ABCA4: variants seen among roughly 807,000 people sequenced by gnomAD.
ABCA4 encodes retinal-specific phospholipid-transporting ATPase ABCA4.
A neutral mutation model predicts 263.7 loss-of-function variants in ABCA4; 196 were observed. That is an observed-to-expected ratio of 0.74 (90% CI 0.66 to 0.84). The LOEUF (loss-of-function observed/expected upper bound fraction) is 0.84, where lower values mean the gene tolerates loss of function less well. Among genes scored for constraint, ABCA4 ranks in the 40% least tolerant of loss-of-function variants. ABCA4 has a pLI of 0.00. For synonymous variants in ABCA4, 1,133 were observed against 1,094.2 expected (o/e 1.04, Z -0.70); for missense variants, 2,792 against 2,855.1 (o/e 0.98, Z 0.50).
intron 18 of ABCA4, among the ~76,000 whole-genome samples, chr1:94,047,629 T>G (rs1250604398): frequency 6.6e-6 from 1 of 152,202 alleles, no homozygotes; most frequent in Admixed American, 6.5e-5. Context: ...TGCCTTCAGA[T>G]TCTCCCATGA....
intron 24 of ABCA4, among the ~76,000 whole-genome samples, chr1:94,039,677 A>G (rs1466181527): frequency 6.6e-6 from 1 of 152,170 alleles, no homozygotes; most frequent in African/African-American, 2.4e-5. Flanking sequence ...GCCGTGCATC[A>G]CCATGCTTCC....
At chr1:94,076,130 C>T (rs1197901720) in intron 11 of ABCA4, among the ~76,000 whole-genome samples, 1 of 152,210 alleles carries the variant, frequency 6.6e-6, no homozygotes, top group Non-Finnish European at 1.5e-5. Flanking sequence ...ACATCTTCCT[C>T]CACTTCACAG....
intron 30 of ABCA4, among the ~76,000 whole-genome samples, chr1:94,026,902 G>A (rs2101029919): frequency 6.6e-6 from 1 of 152,194 alleles, no homozygotes. Context: ...GAGCAGATGT[G>A]AATAAGAGTG....
intron 11 of ABCA4, among the ~76,000 whole-genome samples, chr1:94,068,656 T>G (rs1661334064): frequency 6.6e-6 from 1 of 152,002 alleles, no homozygotes; most frequent in Non-Finnish European, 1.5e-5. Flanking sequence ...GGCCATGGAG[T>G]CTATGTGTAA....
chr1:94,031,138 T>C lies in ABCA4; in HGVS notation c.4129-18A>G, dbSNP rs1247881367. The C allele has an allele frequency of 6.2e-7, 1 of 1,613,728 alleles. No homozygotes were observed. ...AGCACGATCTGTGGGAGAATAGACGTGGAATAAACATGACTGTGGCATGGA... is the reference window on the plus strand; with the variant it reads ...AGCACGATCTGTGGGAGAATAGACGCGGAATAAACATGACTGTGGCATGGA... On this transcript the variant is annotated intron_variant, in intron 27 of 49. Coordinates refer to ENST00000370225, the MANE Select transcript of ABCA4 (RefSeq NM_000350.3).
chr1:94,120,107 G>GA (rs1235437503), intron 1 of ABCA4, among the ~76,000 whole-genome samples: 1 of 152,142 alleles, frequency 6.6e-6, no homozygotes, highest in African/African-American at 2.4e-5. Flanking sequence ...TCCTTTCCCA[G>GA]AAAAAATTGC....
chr1:94,027,806 A>G (rs1960277), intron 30 of ABCA4, among the ~76,000 whole-genome samples: 1 of 152,190 alleles, frequency 6.6e-6, no homozygotes, highest in Non-Finnish European at 1.5e-5. Flanking sequence ...AACATAGCAC[A>G]TGTGCACACT....
At chr1:94,114,843 A>C (rs1662713723) in intron 1 of ABCA4, among the ~76,000 whole-genome samples, 1 of 152,220 alleles carries the variant, frequency 6.6e-6, no homozygotes, top group Non-Finnish European at 1.5e-5. Flanking sequence ...CCTCCAAGTA[A>C]GTGAAGCCCT....
intron 9 of ABCA4, 108 bp downstream of exon 9, chr1:94,079,214 A>G: frequency 3.9e-6 from 6 of 1,524,608 alleles, no homozygotes; most frequent in Non-Finnish European, 5.4e-6. Context: ...GCAAAAAACA[A>G]ACATGAGATG....
At chr1:93,999,134 C>T (rs1252546729) in intron 47 of ABCA4, among the ~76,000 whole-genome samples, 1 of 152,168 alleles carries the variant, frequency 6.6e-6, no homozygotes, top group Admixed American at 6.5e-5. Context: ...CAACCTCTGC[C>T]TTCTGAGTTC....
chr1:94,114,888 A>T (rs532696413), intron 1 of ABCA4, among the ~76,000 whole-genome samples: 1 of 152,370 alleles, frequency 6.6e-6, no homozygotes, highest in South Asian at 2.1e-4. Flanking sequence ...CAGGAACCTC[A>T]TCTGTCGTTG....
Position 94,042,795 on chromosome 1 carries a change from G to A in ABCA4, c.3294C>T (p.Arg1098=), listed in dbSNP as rs1660529875. ...PTSGVDPYSR[R]SIWDLLLKYR... ...ACTTCAGGAGCAGATCCCAGATTGA[G>A]CGTCTCGAGTAAGGGTCCACCCCAG... Residue 1098 remains arginine (R), a synonymous_variant, in exon 22 of 50, where the codon CGC becomes CGT. Coordinates refer to ENST00000370225, the MANE Select transcript of ABCA4 (RefSeq NM_000350.3). The A allele has an allele frequency of 3.1e-6, 5 of 1,614,104 alleles. No homozygotes were observed. Among genetic ancestry groups the A allele is most frequent in the Non-Finnish European group, 4.2e-6 (5 of 1,180,052 alleles).
chr1:94,062,293 C>T (rs979208544), intron 13 of ABCA4, among the ~76,000 whole-genome samples: 1 of 152,118 alleles, frequency 6.6e-6, no homozygotes, highest in East Asian at 1.9e-4. Flanking sequence ...GAATTTGTCC[C>T]CTCCCCCAGC....
At chr1:94,027,092 GAGAC>G in intron 30 of ABCA4, among the ~76,000 whole-genome samples, 1 of 152,326 alleles carries the variant, frequency 6.6e-6, no homozygotes, top group Non-Finnish European at 1.5e-5. Flanking sequence ...GTGAGTGAGA[GAGAC>G]AGAGCGCGCA....
chr1:94,024,876 G>A, intron 31 of ABCA4, 78 bp downstream of exon 31: 2 of 1,291,642 alleles, frequency 1.5e-6, no homozygotes, highest in Non-Finnish European at 2.2e-6. Flanking sequence ...TAAATTGAGA[G>A]AGAAAATTAT....
rs1553193877 is a variant in ABCA4 at position 94,078,584 on chromosome 1, C to CG, written c.1356+5_1356+6insC. ...CCTCCCCTCCCCATCCTCCAACCCC[C>CG]CTTACTCTGATCATGTTCATCTGTG... On this transcript the variant is annotated splice_donor_region_variant and intron_variant, in intron 10 of 49. Transcript: ENST00000370225. The CG allele has an allele frequency of 6.2e-4, 977 of 1,568,404 alleles. 17 individuals carry two copies. In the African/African-American group the frequency reaches 0.011, roughly 18 times the overall value.
rs146393869 is a variant in ABCA4 at position 94,048,724 on chromosome 1, G to T, written c.2743+144C>A. Reference sequence around the variant, plus strand: ...CACATGCAGATGGACCTCTGAGAAGGGATCTGGTTTAACACTTGTCCACAG... The same window carrying T: ...CACATGCAGATGGACCTCTGAGAAGTGATCTGGTTTAACACTTGTCCACAG... On this transcript the variant is annotated intron_variant, in intron 18 of 49. Transcript: ENST00000370225. The T allele has an allele frequency of 1.5e-4, 113 of 775,670 alleles. No homozygotes were observed. In the East Asian group the frequency reaches 2.8e-3, roughly 19 times the overall value. The allele number at this position is 775,670 out of a possible 1,614,324, so 48.0% of individuals were successfully genotyped here.
At chr1:94,105,570 A>C (rs2101149322) in intron 4 of ABCA4, among the ~76,000 whole-genome samples, 1 of 151,256 alleles carries the variant, frequency 6.6e-6, no homozygotes, top group African/African-American at 2.4e-5. Flanking sequence ...AATTTCGTTT[A>C]AAATGTGGTT....
At chr1:94,116,383 T>C (rs933538422) in intron 1 of ABCA4, among the ~76,000 whole-genome samples, 7 of 151,966 alleles carry the variant, frequency 4.6e-5, no homozygotes, top group African/African-American at 1.5e-4. Context: ...ATCAACTACA[T>C]CAGAATCTTG....
Sources: gnomAD v4.1 joint callset for allele counts (sites outside exome capture counted in the v4.1 genomes callset) on GRCh38, gnomAD v4.1.1 for gene constraint, MANE v1.5 for transcripts, NCBI Gene and HGNC (gene_info 2026-07-23, HGNC 2026-07-21) for gene names.